ZSWIM5: variants seen among roughly 807,000 people sequenced by gnomAD.
The protein encoded by ZSWIM5 is zinc finger SWIM domain-containing protein 5.
A neutral mutation model predicts 119.6 loss-of-function variants in ZSWIM5; 55 were observed. The ratio of observed to expected loss-of-function variants is 0.46; its 90% CI spans 0.37 to 0.58. ZSWIM5 has a LOEUF of 0.58. ZSWIM5 is among the 20% of genes least tolerant of loss of function. ZSWIM5 has a pLI of 0.00. For synonymous variants in ZSWIM5, 537 were observed against 606.9 expected (o/e 0.88, Z 1.69); for missense variants, 1,193 against 1,512.8 (o/e 0.79, Z 3.51).
At chr1:45,059,750 A>G (rs1162549523) in intron 3 of ZSWIM5, among the ~76,000 whole-genome samples, 1 of 152,226 alleles carries the variant, frequency 6.6e-6, no homozygotes, top group African/African-American at 2.4e-5. Flanking sequence ...CCTAGTTTCA[A>G]AATATTAAGT....
chr1:45,188,541 A>G (rs1182267411), intron 1 of ZSWIM5, among the ~76,000 whole-genome samples: 1 of 152,208 alleles, frequency 6.6e-6, no homozygotes, highest in Non-Finnish European at 1.5e-5. Context: ...ACCTGTGAAT[A>G]TAGTAAAAGC....
At chr1:45,076,767 T>C (rs1206697366) in intron 2 of ZSWIM5, among the ~76,000 whole-genome samples, 1 of 152,228 alleles carries the variant, frequency 6.6e-6, no homozygotes, top group South Asian at 2.1e-4. Flanking sequence ...ATATTCTAGA[T>C]CTTGTAGGTA....
intron 2 of ZSWIM5, among the ~76,000 whole-genome samples, chr1:45,085,558 A>C (rs1427636267): frequency 7.4e-6 from 1 of 135,248 alleles, no homozygotes; most frequent in Admixed American, 8.0e-5. Flanking sequence ...GCTCATGAAT[A>C]TGAGCTGAGG....
intron 1 of ZSWIM5, among the ~76,000 whole-genome samples, chr1:45,098,061 G>A (rs1228187262): frequency 6.6e-6 from 1 of 152,194 alleles, no homozygotes; most frequent in African/African-American, 2.4e-5. Flanking sequence ...TGGCAGAGTA[G>A]TGGTAAAGAA....
At chr1:45,199,373 A>C in intron 1 of ZSWIM5, among the ~76,000 whole-genome samples, 1 of 149,594 alleles carries the variant, frequency 6.7e-6, no homozygotes. Context: ...ATCTTGGCTC[A>C]CTGCAACCTC....
chr1:45,188,080 A>G (rs1646069905), intron 1 of ZSWIM5, among the ~76,000 whole-genome samples: 1 of 152,216 alleles, frequency 6.6e-6, no homozygotes, highest in Non-Finnish European at 1.5e-5. Flanking sequence ...ATGATCCAAC[A>G]ATTCTACTCT....
intron 2 of ZSWIM5, among the ~76,000 whole-genome samples, chr1:45,070,713 C>A (rs1353108433): frequency 2.0e-5 from 3 of 152,120 alleles, no homozygotes; most frequent in Admixed American, 6.6e-5. Flanking sequence ...CACTGTTGAC[C>A]ATTCACTTTT....
intron 1 of ZSWIM5, among the ~76,000 whole-genome samples, chr1:45,181,545 G>A (rs1646020038): frequency 6.6e-6 from 1 of 152,008 alleles, no homozygotes; most frequent in Admixed American, 6.6e-5. Context: ...AATCTAGCAA[G>A]GCAGGCCAAC....
At position 45,057,686 on chromosome 1, in the gene ZSWIM5, T is replaced by C; in HGVS notation, c.1252+923A>G. ...GCCAAAACTTACTAGTGTGTGACCCTGAGTTCAGGGTATGGAAGATTCTGA... is the reference window on the plus strand; with the variant it reads ...GCCAAAACTTACTAGTGTGTGACCCCGAGTTCAGGGTATGGAAGATTCTGA... On this transcript the variant is annotated intron_variant, in intron 4 of 13. Coordinates refer to ENST00000359600, the MANE Select transcript of ZSWIM5 (RefSeq NM_020883.2). The surrounding 1 kb of genome is among the most constrained non-coding windows in gnomAD (Gnocchi z 4.7). Among the ~76,000 whole-genome samples the C allele has an allele frequency of 6.6e-6, 1 of 152,194 alleles. No individual in the cohort carries two copies. Among genetic ancestry groups the C allele is most frequent in the East Asian group, 1.9e-4 (1 of 5,202 alleles).
intron 1 of ZSWIM5, among the ~76,000 whole-genome samples, chr1:45,150,509 T>C (rs190857041): frequency 2.0e-5 from 3 of 152,176 alleles, no homozygotes; most frequent in Non-Finnish European, 4.4e-5. Flanking sequence ...GGCATCCAAA[T>C]AGAGATGTTC....
chr1:45,055,140 A>G (rs1012050501), intron 4 of ZSWIM5, among the ~76,000 whole-genome samples: 8 of 151,994 alleles, frequency 5.3e-5, no homozygotes, highest in Non-Finnish European at 8.8e-5. Context: ...ACAGGCGCCC[A>G]CCACCATGCC....
chr1:45,138,519 A>G lies in ZSWIM5; in HGVS notation c.596-50282T>C, dbSNP rs1051609700. On this transcript the variant is annotated intron_variant, in intron 1 of 13. Coordinates refer to ENST00000359600, the MANE Select transcript of ZSWIM5 (RefSeq NM_020883.2). Reference sequence around the variant, plus strand: ...AAACTCCATCTCAAAAAAAAAAAAAAAAAAAGAAAGGAAGAAAAACAAAAT... The same window carrying G: ...AAACTCCATCTCAAAAAAAAAAAAAGAAAAAGAAAGGAAGAAAAACAAAAT... Among the ~76,000 whole-genome samples the G allele has an allele frequency of 2.7e-4, 41 of 151,776 alleles. 1 individual carries two copies. The highest frequency in any genetic ancestry group is 2.6e-4 in the Admixed American group (4 of 15,256).
intron 1 of ZSWIM5, among the ~76,000 whole-genome samples, chr1:45,118,964 C>T (rs902886617): frequency 1.3e-5 from 2 of 151,660 alleles, no homozygotes; most frequent in African/African-American, 4.9e-5. Context: ...TATGTTAGTA[C>T]AATAAAAGAA....
chr1:45,205,617 T>C (rs1405912600), intron 1 of ZSWIM5, 139 bp downstream of exon 1: 1 of 907,048 alleles, frequency 1.1e-6, no homozygotes, highest in Non-Finnish European at 1.5e-6. Context: ...TGAAAAAAGT[T>C]TTTGTGACTT....
intron 4 of ZSWIM5, among the ~76,000 whole-genome samples, chr1:45,053,127 C>CAAAAAAAAAAAAAAAAAGAAA (rs1645099744): frequency 8.2e-6 from 1 of 122,166 alleles, no homozygotes; most frequent in African/African-American, 3.1e-5. Flanking sequence ...CCGTCTCAAA[C>CAAAAAAAAAAAAAAAAAGAAA]AAAAAAAAAA....
intron 1 of ZSWIM5, among the ~76,000 whole-genome samples, chr1:45,106,556 G>A (rs1311621065): frequency 1.4e-5 from 2 of 143,082 alleles, no homozygotes; most frequent in Non-Finnish European, 3.0e-5. Flanking sequence ...TGTGAGGAGC[G>A]CCTCTGCCCA....
intron 1 of ZSWIM5, among the ~76,000 whole-genome samples, chr1:45,167,974 G>T (rs556578655): frequency 1.5e-3 from 222 of 152,228 alleles, no homozygotes; most frequent in African/African-American, 4.9e-3. Flanking sequence ...CCATTACTGG[G>T]TATATACCCA....
intron 2 of ZSWIM5, among the ~76,000 whole-genome samples, chr1:45,085,253 G>A (rs61788387): frequency 0.08 from 12,217 of 152,274 alleles, 533 homozygotes; most frequent in Non-Finnish European, 0.1. Context: ...TAAGGAGCAG[G>A]GTAGCGGAGC....
intron 11 of ZSWIM5, among the ~76,000 whole-genome samples, chr1:45,031,696 C>T (rs184019251): frequency 3.3e-5 from 5 of 151,876 alleles, no homozygotes; most frequent in Admixed American, 6.6e-5. Context: ...AAAAATTAGC[C>T]GGGCGTGGTG....
Sources: gnomAD v4.1 joint callset for allele counts (sites outside exome capture counted in the v4.1 genomes callset) on GRCh38, gnomAD v4.1.1 for gene constraint, Gnocchi (gnomAD v3.1) non-coding constraint, MANE v1.5 for transcripts, NCBI Gene and HGNC (gene_info 2026-07-23, HGNC 2026-07-21) for gene names.